Variants in PECAM1 observed in about 807,000 individuals in gnomAD.
PECAM1 encodes platelet and endothelial cell adhesion molecule 1, also known as platelet endothelial cell adhesion molecule.
In PECAM1, 8 loss-of-function variants were observed where a neutral mutation model predicts 13.8. The observed-to-expected ratio is 0.58, with a 90% confidence interval of 0.34 to 1.05. The LOEUF is 1.05. PECAM1 is among the 50% of genes least tolerant of loss of function. The probability of loss-of-function intolerance (pLI) is 0.03; values close to 1 mark genes in which losing one functional copy is unlikely to be tolerated. For synonymous variants in PECAM1, 136 were observed against 52.6 expected (o/e 2.58, Z -6.86); for missense variants, 304 against 141.2 (o/e 2.15, Z -5.84).
At chr17:64,380,168 C>T (rs1302287835) in intron 2 of PECAM1, among the ~76,000 whole-genome samples, 22 of 151,906 alleles carry the variant, frequency 1.4e-4, no homozygotes, top group Non-Finnish European at 3.1e-4. Context: ...CCTGTCTCTA[C>T]TAAAAATACA....
At chr17:64,384,720 G>T (rs957958741) in intron 2 of PECAM1, among the ~76,000 whole-genome samples, 1 of 152,126 alleles carries the variant, frequency 6.6e-6, no homozygotes, top group Non-Finnish European at 1.5e-5. Flanking sequence ...AATGAGACCC[G>T]GTGCCAGCAC....
chr17:64,325,027 A>T (rs2034907713), intron 15 of PECAM1, among the ~76,000 whole-genome samples: 1 of 152,264 alleles, frequency 6.6e-6, no homozygotes, highest in African/African-American at 2.4e-5. Flanking sequence ...GTGGTTGCAC[A>T]GCAATGTGAA....
intron 2 of PECAM1, 97 bp from the exon 3 acceptor site, chr17:64,378,214 C>T (rs2036405248): frequency 2.5e-6 from 1 of 406,446 alleles, no homozygotes; most frequent in South Asian, 1.3e-4. Context: ...TTATCCCATC[C>T]TATGCAGTAT....
intron 7 of PECAM1, among the ~76,000 whole-genome samples, chr17:64,358,408 C>T (rs1297118771): frequency 3.3e-5 from 5 of 152,118 alleles, no homozygotes; most frequent in African/African-American, 4.8e-5. Flanking sequence ...CGTGAGCCAC[C>T]GCACCTGGCT....
chr17:64,334,454 G>C (rs1267107051), intron 14 of PECAM1, among the ~76,000 whole-genome samples: 1 of 152,118 alleles, frequency 6.6e-6, no homozygotes, highest in East Asian at 1.9e-4. Context: ...GGTCAGCAAA[G>C]ACTCCGCTCT....
In PECAM1 at chr17:64,354,978, G is replaced by A. The variant is rs956311271; in HGVS notation, c.1843C>T (p.Leu615Phe). The change falls in exon 9 of 16, where the codon CTC becomes TTC. Residue 615 changes from leucine to phenylalanine, a missense_variant. By Grantham distance (22) the Leu-to-Phe change is conservative (BLOSUM62 0). Coordinates refer to ENST00000563924, the MANE Select transcript of PECAM1 (RefSeq NM_000442.5). ...TAACATTTGGCCGCAATGATCAAGA[G>A]AGCAATGATCACTCCGATGATAACC... ...AVVIIGVIIA[L>F]LIIAAKCYFL... The A allele has an allele frequency of 5.3e-5, 25 of 475,264 alleles. No homozygotes were observed. The highest frequency in any genetic ancestry group is 3.8e-4 in the African/African-American group (19 of 50,514). 29.4% of individuals were successfully genotyped at this position (475,264 alleles called of 1,614,324 possible). A position where few individuals can be genotyped will look rare whatever the true frequency, so the allele number is the denominator to read the frequency against.
rs144700105 is a variant in PECAM1 at position 64,323,672 on chromosome 17, G to A, written c.*144C>T. On this transcript the variant is annotated 3_prime_UTR_variant, in exon 16 of 16. Coordinates refer to ENST00000563924, the MANE Select transcript of PECAM1 (RefSeq NM_000442.5). ...ACTTAGCAGGATGGATTTAAGAACCGGCAGCTTAGCCTGAGGAATTGCTGT... is the reference window on the plus strand; with the variant it reads ...ACTTAGCAGGATGGATTTAAGAACCAGCAGCTTAGCCTGAGGAATTGCTGT... 52 of 1,511,546 alleles carry A rather than the reference G, an allele frequency of 3.4e-5. No individual in the cohort carries two copies. In the African/African-American group the frequency reaches 5.8e-4, roughly 17 times the overall value. 93.6% of individuals were successfully genotyped at this position (1,511,546 alleles called of 1,614,324 possible).
chr17:64,379,389 T>C (rs2036433382), intron 2 of PECAM1, among the ~76,000 whole-genome samples: 1 of 152,154 alleles, frequency 6.6e-6, no homozygotes, highest in African/African-American at 2.4e-5. Flanking sequence ...TATTGCTGTG[T>C]TTTTGTCAGT....
chr17:64,330,101 C>T (rs532985644), intron 14 of PECAM1, among the ~76,000 whole-genome samples: 11 of 152,104 alleles, frequency 7.2e-5, no homozygotes, highest in African/African-American at 2.4e-4. Context: ...CTGCACCCTC[C>T]GCCTCCCAGA....
At chr17:64,324,451 C>T (rs569514702) in intron 15 of PECAM1, among the ~76,000 whole-genome samples, 1 of 152,312 alleles carries the variant, frequency 6.6e-6, no homozygotes, top group African/African-American at 2.4e-5. Flanking sequence ...TGTTGGACAT[C>T]AATCACATCA....
At chr17:64,357,534 A>AT (rs1309473781) in intron 7 of PECAM1, among the ~76,000 whole-genome samples, 1 of 152,154 alleles carries the variant, frequency 6.6e-6, no homozygotes, top group Non-Finnish European at 1.5e-5. Context: ...TGGTCAGCAG[A>AT]TGGTATTGTA....
At position 64,321,324 on chromosome 17, in the gene PECAM1, G is replaced by A. The variant is rs1339361639; in HGVS notation, c.*2492C>T. The A allele has an allele frequency of 5.0e-6, 3 of 602,900 alleles. No homozygotes were observed. In the East Asian group the frequency reaches 4.2e-4, roughly 84 times the overall value. 37.3% of individuals were successfully genotyped at this position (602,900 alleles called of 1,614,324 possible). A position where few individuals can be genotyped will look rare whatever the true frequency, so the allele number is the denominator to read the frequency against. Reference sequence around the variant, plus strand: ...CTTCAGGTTTAGACACCGGGGTTACGGCAGCTGCCGAGGAAGGCTAAAGCC... The same window carrying A: ...CTTCAGGTTTAGACACCGGGGTTACAGCAGCTGCCGAGGAAGGCTAAAGCC... On this transcript the variant is annotated 3_prime_UTR_variant, in exon 16 of 16. Transcript: ENST00000563924.
intron 2 of PECAM1, among the ~76,000 whole-genome samples, chr17:64,382,901 G>A (rs963817130): frequency 3.3e-5 from 5 of 152,124 alleles, no homozygotes; most frequent in African/African-American, 4.8e-5. Context: ...CTAGCCAGGC[G>A]TGGTGGCAGT....
At chr17:64,354,676 G>A (rs1171747913) in intron 9 of PECAM1, among the ~76,000 whole-genome samples, 1 of 152,118 alleles carries the variant, frequency 6.6e-6, no homozygotes, top group Non-Finnish European at 1.5e-5. Flanking sequence ...GCATGTTTGT[G>A]TGTCTCCAAG....
At chr17:64,334,605 T>C (rs2035219357) in intron 14 of PECAM1, among the ~76,000 whole-genome samples, 1 of 151,218 alleles carries the variant, frequency 6.6e-6, no homozygotes, top group South Asian at 2.1e-4. Flanking sequence ...GCCTCCCGGG[T>C]TCACACCATT....
intron 6 of PECAM1, among the ~76,000 whole-genome samples, chr17:64,361,425 T>C (rs929156132): frequency 2.6e-5 from 4 of 151,824 alleles, no homozygotes; most frequent in African/African-American, 9.7e-5. Flanking sequence ...GGATTACAGG[T>C]GTGAGCCACC....
chr17:64,390,319 G>C (rs1347615443), intron 2 of PECAM1, 170 bp downstream of exon 2: 2 of 403,534 alleles, frequency 5.0e-6, no homozygotes, highest in Non-Finnish European at 8.9e-6. Context: ...TTAGATCTAA[G>C]CCTTTCTAAA....
Position 64,322,507 on chromosome 17 carries a change from A to G in PECAM1, c.*1309T>C. On this transcript the variant is annotated 3_prime_UTR_variant, in exon 16 of 16. Coordinates refer to ENST00000563924, the MANE Select transcript of PECAM1 (RefSeq NM_000442.5). Reference sequence around the variant, plus strand: ...GAAGACAACATTTCACAGATCTGCAAAGAGCAAAGGTCAAATTTATTTAAT... The same window carrying G: ...GAAGACAACATTTCACAGATCTGCAGAGAGCAAAGGTCAAATTTATTTAAT... 1.0e-6 allele frequency: 1 copy of G among 985,436 alleles called. No individual in the cohort carries two copies. Among genetic ancestry groups the G allele is most frequent in the Non-Finnish European group, 1.2e-6 (1 of 829,958 alleles). 61.0% of individuals were successfully genotyped at this position (985,436 alleles called of 1,614,324 possible).
At chr17:64,330,767 G>A (rs1297934392) in intron 14 of PECAM1, among the ~76,000 whole-genome samples, 5 of 149,224 alleles carry the variant, frequency 3.4e-5, no homozygotes, top group African/African-American at 9.9e-5. Context: ...TTTTTTCCTA[G>A]TCATTTTCCA....
Sources: allele counts gnomAD v4.1 joint callset (sites outside exome capture counted in the v4.1 genomes callset), GRCh38; gene constraint gnomAD v4.1.1; transcripts MANE v1.5; gene names NCBI Gene and HGNC (gene_info 2026-07-23, HGNC 2026-07-21).